PHACTR3: variants seen among roughly 807,000 people sequenced by gnomAD.
The protein encoded by PHACTR3 is phosphatase and actin regulator 3, also known as protein phosphatase 1, regulatory subunit 123.
Under a neutral mutation model 66.8 loss-of-function variants are expected in PHACTR3, and 16 were observed. The ratio of observed to expected loss-of-function variants is 0.24; its 90% CI spans 0.16 to 0.36. The LOEUF is 0.36. Among genes scored for constraint, PHACTR3 ranks in the 10% least tolerant of loss-of-function variants. PHACTR3 has a pLI of 1.00. For missense variants in PHACTR3, 647 were observed against 719.9 expected, an observed-to-expected ratio of 0.90 and a Z score of 1.16; for synonymous variants, 323 against 292.1, an observed-to-expected ratio of 1.11 and a Z score of -1.08.
chr20:59,761,456 A>G (rs949265261), intron 4 of PHACTR3, among the ~76,000 whole-genome samples: 4 of 152,118 alleles, frequency 2.6e-5, no homozygotes, highest in Non-Finnish European at 5.9e-5. Context: ...ACCATGGCTC[A>G]CCACATCCAT....
At chr20:59,768,547 G>A (rs2146874199) in intron 5 of PHACTR3, among the ~76,000 whole-genome samples, 1 of 152,326 alleles carries the variant, frequency 6.6e-6, no homozygotes, top group Admixed American at 6.5e-5. Flanking sequence ...CCAGGGGCTG[G>A]TGCCCTCCCC....
chr20:59,604,489 A>T (rs939419914), upstream of PHACTR3: 2 of 435,512 alleles, frequency 4.6e-6, no homozygotes, highest in African/African-American at 4.3e-5. Context: ...CTCGCGCGGC[A>T]TGATGGGAGA....
At chr20:59,670,910 T>C (rs1200673172) in intron 1 of PHACTR3, among the ~76,000 whole-genome samples, 1 of 152,188 alleles carries the variant, frequency 6.6e-6, no homozygotes, top group African/African-American at 2.4e-5. Context: ...CCTTAAATGT[T>C]CTTGCCACTT....
At chr20:59,826,993 C>T (rs1464890572) in intron 8 of PHACTR3, among the ~76,000 whole-genome samples, 2 of 152,184 alleles carry the variant, frequency 1.3e-5, no homozygotes, top group Non-Finnish European at 2.9e-5. Flanking sequence ...CCCCTCCCTT[C>T]TCTCCTTCCC....
chr20:59,776,189 G>A (rs2040529974), intron 7 of PHACTR3, among the ~76,000 whole-genome samples: 1 of 152,184 alleles, frequency 6.6e-6, no homozygotes, highest in Non-Finnish European at 1.5e-5. Context: ...CTTACCGGGT[G>A]TTTCTTGTGT....
At chr20:59,658,101 G>C (rs1304807534) in intron 1 of PHACTR3, among the ~76,000 whole-genome samples, 1 of 151,886 alleles carries the variant, frequency 6.6e-6, no homozygotes, top group Non-Finnish European at 1.5e-5. Flanking sequence ...ATCCCCTCTA[G>C]TGAATTTTGA....
At position 59,649,716 on chromosome 20, in the gene PHACTR3, T is replaced by TA. The variant is rs1453704998; in HGVS notation, c.118+44588dup. On this transcript the variant is annotated intron_variant, in intron 1 of 12. Coordinates refer to ENST00000371015, the MANE Select transcript of PHACTR3 (RefSeq NM_080672.5). ...ATTCAGTGGTGTATTTTCTGTAGTT[T>TA]AAAAGTATCACTGATAAGTTGGGAG... 9.2e-5 allele frequency among the ~76,000 whole-genome samples: 14 copies of TA among 152,306 alleles called. 1 individual carries two copies. In the East Asian group the frequency reaches 2.7e-3, roughly 29 times the overall value.
At chr20:59,579,064 A>G (rs2032795079) in intron 1 of PHACTR3, among the ~76,000 whole-genome samples, 1 of 152,182 alleles carries the variant, frequency 6.6e-6, no homozygotes, top group African/African-American at 2.4e-5. Context: ...CCTCCCCTAA[A>G]GCACCCCTGT....
At chr20:59,686,836 A>G (rs1204525474) in intron 1 of PHACTR3, among the ~76,000 whole-genome samples, 4 of 141,490 alleles carry the variant, frequency 2.8e-5, no homozygotes, top group African/African-American at 7.9e-5. Flanking sequence ...GGTGGTGATG[A>G]TGATGGTGAT....
intron 8 of PHACTR3, among the ~76,000 whole-genome samples, chr20:59,834,905 C>G (rs1344467976): frequency 1.3e-5 from 2 of 152,198 alleles, no homozygotes; most frequent in African/African-American, 4.8e-5. Context: ...ATAAAATACA[C>G]TAACGATAGG....
At chr20:59,686,806 GTGATGA>G (rs1308335176) in intron 1 of PHACTR3, among the ~76,000 whole-genome samples, 2 of 141,594 alleles carry the variant, frequency 1.4e-5, no homozygotes, top group African/African-American at 2.6e-5. Context: ...GGTGATGATT[GTGATGA>G]TGATGGTGAT....
intron 11 of PHACTR3, among the ~76,000 whole-genome samples, chr20:59,842,172 A>G (rs2059075927): frequency 6.6e-6 from 1 of 152,192 alleles, no homozygotes; most frequent in African/African-American, 2.4e-5. Context: ...GTGAGCACAG[A>G]GAGGGTCAGT....
chr20:59,632,909 G>A (rs966150113), intron 1 of PHACTR3, among the ~76,000 whole-genome samples: 6 of 152,220 alleles, frequency 3.9e-5, no homozygotes, highest in Non-Finnish European at 7.3e-5. Flanking sequence ...CTGCTTCAAA[G>A]TGGAGTATCA....
chr20:59,726,261 A>G (rs1413344047), intron 1 of PHACTR3, among the ~76,000 whole-genome samples: 4 of 152,166 alleles, frequency 2.6e-5, no homozygotes, highest in Non-Finnish European at 5.9e-5. Flanking sequence ...CACTTGGCAT[A>G]CTGGCCAGCT....
chr20:59,617,027 C>T (rs559938945), intron 1 of PHACTR3, among the ~76,000 whole-genome samples: 1 of 152,276 alleles, frequency 6.6e-6, no homozygotes, highest in African/African-American at 2.4e-5. Context: ...ACAGTGTTGA[C>T]ATTTTAATGT....
At chr20:59,678,150 A>T (rs977407029) in intron 1 of PHACTR3, among the ~76,000 whole-genome samples, 9 of 151,296 alleles carry the variant, frequency 5.9e-5, no homozygotes, top group African/African-American at 2.2e-4. Flanking sequence ...ATAGATATAG[A>T]TTTTTTTTTC....
At chr20:59,765,750 A>T (rs1484034943) in intron 4 of PHACTR3, among the ~76,000 whole-genome samples, 1 of 152,192 alleles carries the variant, frequency 6.6e-6, no homozygotes, top group Non-Finnish European at 1.5e-5. Context: ...TTTCAGCACC[A>T]TGGACAGCAC....
rs146706393 is a variant in PHACTR3 at position 59,810,601 on chromosome 20, A to G, written c.1328+4407A>G. ...GCAACGTGCCATCTACTGTATCCCA[A>G]AGAACATTTGCGATTTCCTTTTTTT... is the stretch of plus-strand genomic sequence containing the variant. On this transcript the variant is annotated intron_variant, in intron 8 of 12. Transcript: ENST00000371015. Among the ~76,000 whole-genome samples, 220 of 152,320 alleles carry G rather than the reference A, an allele frequency of 1.4e-3. 1 individual carries two copies. The highest frequency in any genetic ancestry group is 5.1e-3 in the African/African-American group (211 of 41,560).
chr20:59,774,523 T>C, intron 7 of PHACTR3, 33 bp downstream of exon 7: 1 of 1,602,910 alleles, frequency 6.2e-7, no homozygotes. Context: ...AGTGTGGGGA[T>C]CTCGGCCAGA....
Sources: allele counts gnomAD v4.1 joint callset (sites outside exome capture counted in the v4.1 genomes callset), GRCh38; gene constraint gnomAD v4.1.1; transcripts MANE v1.5; gene names NCBI Gene and HGNC (gene_info 2026-07-23, HGNC 2026-07-21).